Variants in CELF2 observed in about 807,000 individuals in gnomAD.
CELF2 encodes CUG triplet repeat RNA-binding protein 2.
CELF2 carries 8 observed loss-of-function variants against 62.6 expected under a neutral mutation model. The ratio of observed to expected loss-of-function variants is 0.13; its 90% confidence interval spans 0.07 to 0.23. CELF2 has a LOEUF of 0.23. Among genes scored for constraint, CELF2 ranks in the 10% least tolerant of loss-of-function variants. CELF2 has a pLI of 1.00. For missense variants in CELF2, 333 were observed against 671.0 expected, an observed-to-expected ratio of 0.50 and a Z score of 5.56; for synonymous variants, 258 against 250.0, an observed-to-expected ratio of 1.03 and a Z score of -0.30.
upstream of CELF2, chr10:10,798,480 GT>G (rs922304800): frequency 6.1e-6 from 2 of 328,194 alleles, no homozygotes; most frequent in Admixed American, 4.9e-5. Flanking sequence ...AGTGAGAGCT[GT>G]GCTTGGAATA....
chr10:11,232,286 A>C (rs1054011829), intron 3 of CELF2, among the ~76,000 whole-genome samples: 13 of 152,160 alleles, frequency 8.5e-5, no homozygotes, highest in African/African-American at 3.1e-4. Flanking sequence ...ATCTGATTAG[A>C]GCTGAATTAA....
rs1163314688 is a variant in CELF2 at position 11,329,702 on chromosome 10, A to ATTGT, written c.*652_*655dup. The ATTGT allele has an allele frequency of 1.3e-5, 2 of 152,478 alleles. No homozygotes were observed. Among genetic ancestry groups the ATTGT allele is most frequent in the African/African-American group, 4.8e-5 (2 of 41,452 alleles). 9.4% of individuals were successfully genotyped at this position (152,478 alleles called of 1,614,324 possible). A position where few individuals can be genotyped will look rare whatever the true frequency, so the allele number is the denominator to read the frequency against. ...TATTACACTGGTTGTCTATTTTGTT[A>ATTGT]TTGTTTTATTTTAGTTTTTAGAAAG... On this transcript the variant is annotated 3_prime_UTR_variant, in exon 13 of 13. Coordinates refer to ENST00000633077, the MANE Select transcript of CELF2 (RefSeq NM_001326342.2). This position sits in a 1 kb window ranked among gnomAD's most constrained non-coding sequence, Gnocchi z 5.5.
In CELF2 at chr10:10,974,663, A is replaced by G. The variant is rs561582933; in HGVS notation, c.89+54664A>G. Among the ~76,000 whole-genome samples the G allele has an allele frequency of 5.4e-4, 83 of 152,314 alleles. 1 individual carries two copies. Among genetic ancestry groups the G allele is most frequent in the African/African-American group, 2.0e-3 (82 of 41,574 alleles). ...CCCCTCTGGTTACGTGATTATGTATAGCAATTTACTATCAGTGAAAGGAGA... is the reference window on the plus strand; with the variant it reads ...CCCCTCTGGTTACGTGATTATGTATGGCAATTTACTATCAGTGAAAGGAGA... On this transcript the variant is annotated intron_variant, in intron 2 of 13. Transcript: ENST00000636488.
intron 1 of CELF2, among the ~76,000 whole-genome samples, chr10:11,068,519 T>C (rs148971993): frequency 1.2e-3 from 177 of 152,294 alleles, no homozygotes; most frequent in Non-Finnish European, 1.8e-3. Context: ...TAATCTTTCA[T>C]AGAGGTCTTT....
the CELF2 span, among the ~76,000 whole-genome samples, chr10:10,546,778 T>C: frequency 6.8e-6 from 1 of 146,932 alleles, no homozygotes; most frequent in Non-Finnish European, 1.5e-5. Flanking sequence ...TGATAGACCT[T>C]TTTTTTTTTC....
chr10:10,855,990 G>C (rs2059682313), intron 1 of CELF2, among the ~76,000 whole-genome samples: 1 of 152,144 alleles, frequency 6.6e-6, no homozygotes, highest in South Asian at 2.1e-4. Context: ...CCGGATCTAA[G>C]ATCTAGGAAA....
At chr10:11,079,721 T>C (rs1318050156) in intron 1 of CELF2, among the ~76,000 whole-genome samples, 2 of 146,832 alleles carry the variant, frequency 1.4e-5, no homozygotes, top group Non-Finnish European at 3.0e-5. Context: ...TTCATAGCAG[T>C]GTGAGAATGG....
chr10:10,701,338 C>T, the CELF2 span, among the ~76,000 whole-genome samples: 1 of 152,326 alleles, frequency 6.6e-6, no homozygotes, highest in East Asian at 1.9e-4. Flanking sequence ...CTCCAAATGT[C>T]AATTACTGGA....
At position 10,875,829 on chromosome 10, in the gene CELF2, A is replaced by G. The variant is rs529866485; in HGVS notation, c.54-44135A>G. Among the ~76,000 whole-genome samples, 4 of 152,264 alleles carry G rather than the reference A, an allele frequency of 2.6e-5. No individual in the cohort carries two copies. The South Asian group carries it at 8.3e-4, about 32-fold the overall frequency. ...CTCTTCCCTCTGCCTCTCTCTACCAATTTGCTGTTTGCAAGATGACTGCTC... is the reference window on the plus strand; with the variant it reads ...CTCTTCCCTCTGCCTCTCTCTACCAGTTTGCTGTTTGCAAGATGACTGCTC... On this transcript the variant is annotated intron_variant, in intron 1 of 13. Transcript: ENST00000636488.
At chr10:10,885,222 G>A (rs1401203105) in intron 1 of CELF2, among the ~76,000 whole-genome samples, 1 of 151,552 alleles carries the variant, frequency 6.6e-6, no homozygotes, top group Non-Finnish European at 1.5e-5. Context: ...CAGCCTGGGT[G>A]ACAGGGTGAG....
At chr10:11,022,777 G>C (rs1457145538) in intron 1 of CELF2, among the ~76,000 whole-genome samples, 1 of 151,858 alleles carries the variant, frequency 6.6e-6, no homozygotes, top group African/African-American at 2.4e-5. Context: ...CCCAGCTCTT[G>C]GGCAAAAAAT....
intron 2 of CELF2, among the ~76,000 whole-genome samples, chr10:11,173,133 G>A (rs1026892861): frequency 1.3e-5 from 2 of 152,194 alleles, no homozygotes; most frequent in African/African-American, 2.4e-5. Flanking sequence ...GAAAGAGATA[G>A]CTCCCCACTA....
intron 2 of CELF2, among the ~76,000 whole-genome samples, chr10:11,167,333 G>A (rs1238396023): frequency 6.6e-6 from 1 of 152,158 alleles, no homozygotes; most frequent in African/African-American, 2.4e-5. Context: ...GTCACCTAGG[G>A]AAAACTAGAC....
chr10:10,691,681 T>C, the CELF2 span, among the ~76,000 whole-genome samples: 3 of 148,384 alleles, frequency 2.0e-5, no homozygotes, highest in East Asian at 2.0e-4. Context: ...GTTTCCTGAC[T>C]TTTTAATGAT....
At chr10:10,554,353 G>C in the CELF2 span, among the ~76,000 whole-genome samples, 7 of 152,066 alleles carry the variant, frequency 4.6e-5, no homozygotes, top group Non-Finnish European at 1.0e-4. Flanking sequence ...CCTGAGCCTT[G>C]GTGGGTCTTT....
At chr10:10,651,603 AG>A in the CELF2 span, among the ~76,000 whole-genome samples, 68 of 145,786 alleles carry the variant, frequency 4.7e-4, no homozygotes, top group East Asian at 0.012. Context: ...ACCCCCCAGC[AG>A]GGGCACACTG....
chr10:11,122,132 A>T (rs1046643671), intron 1 of CELF2, among the ~76,000 whole-genome samples: 1 of 152,196 alleles, frequency 6.6e-6, no homozygotes, highest in Non-Finnish European at 1.5e-5. Flanking sequence ...GTTGAATGGA[A>T]CATTCTTTTT....
At position 11,290,566 on chromosome 10, in the gene CELF2, C is replaced by T. The variant is rs1199210918; in HGVS notation, c.976+2014C>T. 6.6e-6 allele frequency among the ~76,000 whole-genome samples: 1 copy of T among 150,684 alleles called. No homozygotes were observed. Reference sequence around the variant, plus strand: ...TGTGGGCCACTCAGACGGTCTAGGGCGACGGCCTAGGTGTTAGTCGGAAAG... The same window carrying T: ...TGTGGGCCACTCAGACGGTCTAGGGTGACGGCCTAGGTGTTAGTCGGAAAG... On this transcript the variant is annotated intron_variant, in intron 9 of 12. Coordinates refer to ENST00000633077, the MANE Select transcript of CELF2 (RefSeq NM_001326342.2). This position sits in a 1 kb window ranked among gnomAD's most constrained non-coding sequence, Gnocchi z 4.3.
At chr10:11,053,043 A>G (rs777817596) in intron 1 of CELF2, among the ~76,000 whole-genome samples, 18 of 152,042 alleles carry the variant, frequency 1.2e-4, no homozygotes, top group Middle Eastern at 3.4e-3. Context: ...TTGGTTCATT[A>G]CTTTAAAATT....
Sources: allele counts gnomAD v4.1 joint callset (sites outside exome capture counted in the v4.1 genomes callset), GRCh38; gene constraint gnomAD v4.1.1; non-coding constraint Gnocchi (gnomAD v3.1); transcripts MANE v1.5; gene names NCBI Gene and HGNC (gene_info 2026-07-23, HGNC 2026-07-21).